Variants in PTPRD observed in about 807,000 individuals in gnomAD.
PTPRD encodes the protein receptor-type tyrosine-protein phosphatase delta.
A neutral mutation model predicts 214.5 loss-of-function variants in PTPRD; 34 were observed. That is an observed-to-expected ratio of 0.16 (90% confidence interval 0.12 to 0.21). PTPRD has a LOEUF of 0.21. Among genes scored for constraint, PTPRD ranks in the 10% least tolerant of loss-of-function variants. The pLI is 1.00. For synonymous variants in PTPRD, 1,128 were observed against 845.7 expected (o/e 1.33, Z -5.79); for missense variants, 2,545 against 2,398.7 (o/e 1.06, Z -1.27).
At chr9:10,304,569 G>C (rs1042428743) in intron 3 of PTPRD, among the ~76,000 whole-genome samples, 1 of 151,990 alleles carries the variant, frequency 6.6e-6, no homozygotes, top group African/African-American at 2.4e-5. Flanking sequence ...CAAAGTCTCA[G>C]GATACAAAAC....
intron 14 of PTPRD, among the ~76,000 whole-genome samples, chr9:8,574,888 A>G (rs536337303): frequency 6.0e-4 from 92 of 152,232 alleles, no homozygotes; most frequent in Admixed American, 1.3e-3. Context: ...AATAAATTTA[A>G]AAAGGAAGAA....
chr9:8,954,730 C>A (rs1252109431), intron 11 of PTPRD, among the ~76,000 whole-genome samples: 1 of 151,684 alleles, frequency 6.6e-6, no homozygotes, highest in South Asian at 2.1e-4. Context: ...TTTCTGTTTT[C>A]TTGGGCATTT....
At chr9:10,104,077 T>C (rs1162553471) in intron 3 of PTPRD, among the ~76,000 whole-genome samples, 1 of 151,542 alleles carries the variant, frequency 6.6e-6, no homozygotes, top group African/African-American at 2.4e-5. Context: ...AAAGGACAAA[T>C]ACTGTTCGAT....
At chr9:9,993,588 G>T (rs891135504) in intron 4 of PTPRD, among the ~76,000 whole-genome samples, 1 of 152,108 alleles carries the variant, frequency 6.6e-6, no homozygotes, top group Non-Finnish European at 1.5e-5. Context: ...ATATAATTTA[G>T]AAACAAAAAA....
At chr9:10,018,162 G>C (rs904019798) in intron 4 of PTPRD, among the ~76,000 whole-genome samples, 12 of 149,020 alleles carry the variant, frequency 8.1e-5, no homozygotes, top group African/African-American at 2.9e-4. Context: ...TGAGAAAGAG[G>C]AAGAATGTGA....
intron 4 of PTPRD, among the ~76,000 whole-genome samples, chr9:10,029,956 G>T (rs552408079): frequency 6.6e-6 from 1 of 152,204 alleles, no homozygotes; most frequent in Admixed American, 6.5e-5. Flanking sequence ...ATGGGGGCGG[G>T]TCTTTTCTGT....
At chr9:9,492,555 A>G (rs901777243) in intron 8 of PTPRD, among the ~76,000 whole-genome samples, 17 of 152,110 alleles carry the variant, frequency 1.1e-4, no homozygotes, top group Non-Finnish European at 2.1e-4. Context: ...ATAAAACAAC[A>G]TGATCAAACT....
chr9:8,778,482 C>G (rs1162827439), intron 11 of PTPRD, among the ~76,000 whole-genome samples: 2 of 152,172 alleles, frequency 1.3e-5, no homozygotes. Flanking sequence ...AGATTACTAG[C>G]TGCGAATCTG....
intron 3 of PTPRD, among the ~76,000 whole-genome samples, chr9:10,234,998 A>G (rs1204548347): frequency 1.4e-5 from 2 of 147,876 alleles, no homozygotes; most frequent in African/African-American, 2.5e-5. Flanking sequence ...GTGTTTATAT[A>G]TAAGGATATA....
intron 30 of PTPRD, 108 bp from the exon 31 acceptor site, chr9:8,471,193 T>TG: frequency 1.2e-6 from 1 of 810,616 alleles, no homozygotes; most frequent in Non-Finnish European, 2.1e-6. Context: ...ATTATGGATA[T>TG]GGGGTGACTT....
rs1190083628 is a variant in PTPRD at position 10,407,236 on chromosome 9, T to C, written c.-599-66219A>G. Among the ~76,000 whole-genome samples, 9 of 151,712 alleles carry C rather than the reference T, an allele frequency of 5.9e-5. No individual in the cohort carries two copies. In the Admixed American group the frequency reaches 5.9e-4, roughly 10 times the overall value. On this transcript the variant is annotated intron_variant, in intron 2 of 45. Coordinates refer to ENST00000381196, the MANE Select transcript of PTPRD (RefSeq NM_002839.4). The stretch of plus-strand genomic sequence containing the variant: ...AAAAATATTGTTCTATATGATTATG[T>C]CATTATACCCAATAATGTCTTAGGC...
intron 30 of PTPRD, among the ~76,000 whole-genome samples, chr9:8,476,633 C>T (rs1048522063): frequency 5.9e-5 from 9 of 152,034 alleles, no homozygotes; most frequent in African/African-American, 2.2e-4. Context: ...TCTCTATGAA[C>T]CATTTTTAAT....
intron 5 of PTPRD, among the ~76,000 whole-genome samples, chr9:9,862,388 C>A (rs1247900532): frequency 6.6e-6 from 1 of 152,220 alleles, no homozygotes; most frequent in Non-Finnish European, 1.5e-5. Flanking sequence ...CTGTAACTAA[C>A]TGCCGTATAT....
At chr9:10,139,223 T>A (rs1466431206) in intron 3 of PTPRD, among the ~76,000 whole-genome samples, 1 of 151,520 alleles carries the variant, frequency 6.6e-6, no homozygotes, top group African/African-American at 2.4e-5. Flanking sequence ...TGCATAAAAT[T>A]CAGTGGAACA....
intron 3 of PTPRD, among the ~76,000 whole-genome samples, chr9:10,087,221 A>G (rs2154194815): frequency 6.6e-6 from 1 of 151,676 alleles, no homozygotes; most frequent in South Asian, 2.1e-4. Context: ...CTTAAACTAA[A>G]CTTTATACAT....
chr9:8,726,980 G>C (rs2098587981), intron 12 of PTPRD, among the ~76,000 whole-genome samples: 1 of 151,340 alleles, frequency 6.6e-6, no homozygotes, highest in African/African-American at 2.4e-5. Flanking sequence ...TCTCAAAAAA[G>C]AAAGGGAAAA....
At chr9:10,313,191 G>C (rs1381269795) in intron 3 of PTPRD, among the ~76,000 whole-genome samples, 1 of 151,838 alleles carries the variant, frequency 6.6e-6, no homozygotes, top group Non-Finnish European at 1.5e-5. Context: ...TCCACCATTT[G>C]ACAATTCAGT....
intron 14 of PTPRD, among the ~76,000 whole-genome samples, chr9:8,611,361 G>T (rs902016589): frequency 2.6e-5 from 4 of 152,146 alleles, no homozygotes; most frequent in Non-Finnish European, 5.9e-5. Flanking sequence ...GAGGAAAATG[G>T]AAGTGACCAA....
intron 9 of PTPRD, among the ~76,000 whole-genome samples, chr9:9,381,605 G>A (rs1016852939): frequency 4.6e-5 from 7 of 151,636 alleles, no homozygotes; most frequent in East Asian, 1.9e-4. Context: ...TACCCACCTC[G>A]GCCTCCCAAA....
Sources: allele counts gnomAD v4.1 joint callset (sites outside exome capture counted in the v4.1 genomes callset), GRCh38; gene constraint gnomAD v4.1.1; transcripts MANE v1.5; gene names NCBI Gene and HGNC (gene_info 2026-07-23, HGNC 2026-07-21).